The following ZNF653 variants were observed in gnomAD, a reference collection of about 807,000 sequenced individuals.
ZNF653 encodes zinc finger protein 653.
ZNF653 carries 37 observed loss-of-function variants against 59.9 expected under a neutral mutation model. That is an observed-to-expected ratio of 0.62 (90% CI 0.48 to 0.81). The LOEUF is 0.81. Ranked by LOEUF, ZNF653 falls within the 40% of genes least tolerant of loss-of-function variation. The probability of loss-of-function intolerance (pLI) is 0.00; values close to 1 mark genes in which losing one functional copy is unlikely to be tolerated. For synonymous variants in ZNF653, 435 were observed against 371.8 expected (o/e 1.17, Z -1.96); for missense variants, 808 against 881.1 (o/e 0.92, Z 1.05).
chr19:11,505,800 G>A lies in ZNF653; in HGVS notation c.-14C>T. 2 of 1,373,068 alleles carry A rather than the reference G, an allele frequency of 1.5e-6. No homozygotes were observed. The highest frequency in any genetic ancestry group is 1.9e-6 in the Non-Finnish European group (2 of 1,069,526). The allele number at this position is 1,373,068 out of a possible 1,614,324, so 85.1% of individuals were successfully genotyped here. A position where few individuals can be genotyped will look rare whatever the true frequency, so the allele number is the denominator to read the frequency against. On this transcript the variant is annotated 5_prime_UTR_variant, in exon 1 of 9. Transcript: ENST00000293771. ...CCGCTCCGCCATCCCCCCCACCCTG[G>A]TTACCAGCCTCCCCCGTTGTTAGGA...
intron 8 of ZNF653, 75 bp downstream of exon 8, chr19:11,483,967 C>A: frequency 6.5e-7 from 1 of 1,529,558 alleles, no homozygotes; most frequent in Non-Finnish European, 8.8e-7. Flanking sequence ...TGCGTTGGGG[C>A]GAAGCCGCCC....
At chr19:11,486,533 T>C (rs1971467453) in intron 6 of ZNF653, among the ~76,000 whole-genome samples, 1 of 152,258 alleles carries the variant, frequency 6.6e-6, no homozygotes, top group African/African-American at 2.4e-5. Context: ...TGGCTCCAGC[T>C]TGCAGGCCTG....
intron 1 of ZNF653, among the ~76,000 whole-genome samples, chr19:11,501,175 C>CTT (rs1182295206): frequency 2.1e-5 from 3 of 143,586 alleles, no homozygotes; most frequent in Non-Finnish European, 3.1e-5. Context: ...TTCCCCATAT[C>CTT]TTTTTTTTTT....
At chr19:11,504,314 T>C (rs1160892742) in intron 1 of ZNF653, among the ~76,000 whole-genome samples, 3 of 151,940 alleles carry the variant, frequency 2.0e-5, no homozygotes, top group African/African-American at 7.3e-5. Context: ...GGCAGGAGAA[T>C]GGCGTGAACC....
intron 2 of ZNF653, among the ~76,000 whole-genome samples, chr19:11,496,721 G>A (rs73512770): frequency 0.08 from 12,165 of 152,198 alleles, 789 homozygotes; most frequent in African/African-American, 0.18. Context: ...TACAAAAATT[G>A]GCCGGCATGG....
chr19:11,491,960 G>C (rs1971534291), intron 3 of ZNF653, among the ~76,000 whole-genome samples: 1 of 151,970 alleles, frequency 6.6e-6, no homozygotes, highest in African/African-American at 2.4e-5. Flanking sequence ...TTTTTTCAGG[G>C]GGAATTTCCT....
chr19:11,492,571 C>T (rs1440744614), intron 3 of ZNF653, among the ~76,000 whole-genome samples: 1 of 150,966 alleles, frequency 6.6e-6, no homozygotes, highest in Non-Finnish European at 1.5e-5. Context: ...GTTCTCTAAG[C>T]CGTGGCCTCA....
intron 7 of ZNF653, among the ~76,000 whole-genome samples, chr19:11,484,889 T>TA (rs532827560): frequency 0.04 from 5,715 of 142,336 alleles, 373 homozygotes; most frequent in African/African-American, 0.14. Context: ...CTGTCCCTAC[T>TA]AAAAAAAAAA....
At chr19:11,498,644 A>G (rs1026770907) in intron 1 of ZNF653, among the ~76,000 whole-genome samples, 1 of 151,980 alleles carries the variant, frequency 6.6e-6, no homozygotes, top group Non-Finnish European at 1.5e-5. Context: ...GAGTTTCACC[A>G]TGTTGGCCAG....
At chr19:11,486,721 C>A (rs199608857) in intron 6 of ZNF653, 48 bp downstream of exon 6, 10 of 1,492,186 alleles carry the variant, frequency 6.7e-6, no homozygotes, top group Non-Finnish European at 8.2e-6. Flanking sequence ...GGTGCCATGG[C>A]CTGGGCCTTG....
At chr19:11,496,713 C>CA in intron 2 of ZNF653, among the ~76,000 whole-genome samples, 1 of 152,156 alleles carries the variant, frequency 6.6e-6, no homozygotes, top group East Asian at 1.9e-4. Flanking sequence ...ACTAAAAATA[C>CA]AAAAATTGGC....
At chr19:11,499,947 CGAT>C (rs1337318921) in intron 1 of ZNF653, among the ~76,000 whole-genome samples, 1 of 152,040 alleles carries the variant, frequency 6.6e-6, no homozygotes, top group Non-Finnish European at 1.5e-5. Flanking sequence ...AAACAAAAAA[CGAT>C]CTTCGTCATG....
intron 8 of ZNF653, 48 bp downstream of exon 8, chr19:11,483,994 T>TC (rs1264838348): frequency 6.5e-7 from 1 of 1,539,872 alleles, no homozygotes; most frequent in Admixed American, 2.0e-5. Flanking sequence ...CCTGCTGGGA[T>TC]CCCCTCCCAC....
chr19:11,489,662 G>A (rs984999898), intron 3 of ZNF653, among the ~76,000 whole-genome samples: 2 of 152,184 alleles, frequency 1.3e-5, no homozygotes, highest in Non-Finnish European at 2.9e-5. Flanking sequence ...GGGCTCTTCA[G>A]GGGCTAGACA....
intron 3 of ZNF653, among the ~76,000 whole-genome samples, chr19:11,492,857 T>C (rs190563265): frequency 2.0e-5 from 3 of 152,286 alleles, no homozygotes; most frequent in African/African-American, 4.8e-5. Context: ...GTGATTCTGA[T>C]GCTTCTGCCT....
At chr19:11,499,739 C>T (rs1971625085) in intron 1 of ZNF653, among the ~76,000 whole-genome samples, 1 of 151,876 alleles carries the variant, frequency 6.6e-6, no homozygotes, top group African/African-American at 2.4e-5. Context: ...CAGTGAAACC[C>T]CATCTCCACA....
intron 6 of ZNF653, among the ~76,000 whole-genome samples, chr19:11,486,016 C>T (rs1971461951): frequency 1.3e-5 from 2 of 152,106 alleles, no homozygotes; most frequent in Non-Finnish European, 1.5e-5. Context: ...GTGGTGTTCT[C>T]TCAGCTCACT....
At position 11,487,638 on chromosome 19, in the gene ZNF653, T is replaced by G. The variant is rs1483110732; in HGVS notation, c.825A>C (p.Thr275=). The change falls in exon 4 of 9, where the codon ACA becomes ACC. Residue 275 remains threonine (T), a synonymous_variant. Coordinates refer to ENST00000293771, the MANE Select transcript of ZNF653 (RefSeq NM_138783.4). This position sits in a 1 kb window ranked among gnomAD's most constrained non-coding sequence, Gnocchi z 5.1. ...PAGNGPEALE[T]VVCVPVPVQV... is the part of the protein sequence containing the mutation. ...GCACAGGCACCGGCACGCACACCAC[T>G]GTCTCCAGGGCTTCAGGCCCATTGC... is the stretch of plus-strand genomic sequence containing the variant. 6.2e-7 allele frequency: 1 copy of G among 1,613,720 alleles called. No homozygotes were observed. Among genetic ancestry groups the G allele is most frequent in the Admixed American group, 1.7e-5 (1 of 60,008 alleles).
intron 7 of ZNF653, among the ~76,000 whole-genome samples, chr19:11,484,659 C>T (rs1432113255): frequency 1.3e-5 from 2 of 152,042 alleles, no homozygotes; most frequent in African/African-American, 4.8e-5. Context: ...GATCTGCCCA[C>T]CTCAGCCTCC....
Sources: allele counts gnomAD v4.1 joint callset (sites outside exome capture counted in the v4.1 genomes callset), GRCh38; gene constraint gnomAD v4.1.1; non-coding constraint Gnocchi (gnomAD v3.1); transcripts MANE v1.5; gene names NCBI Gene and HGNC (gene_info 2026-07-23, HGNC 2026-07-21).